STARD13: variants seen among roughly 807,000 people sequenced by gnomAD.
STARD13 encodes the protein StAR related lipid transfer domain containing 13.
A neutral mutation model predicts 106.4 loss-of-function variants in STARD13; 62 were observed. The observed-to-expected ratio is 0.58, with a 90% confidence interval of 0.48 to 0.72. STARD13 has a LOEUF of 0.72. Ranked by LOEUF, STARD13 falls within the 30% of genes least tolerant of loss-of-function variation. STARD13 has a pLI of 0.00. For synonymous variants in STARD13, 565 were observed against 553.0 expected (o/e 1.02, Z -0.31); for missense variants, 1,387 against 1,424.0 (o/e 0.97, Z 0.42).
chr13:33,197,686 C>A (rs1886731000), intron 1 of STARD13, among the ~76,000 whole-genome samples: 1 of 152,208 alleles, frequency 6.6e-6, no homozygotes, highest in African/African-American at 2.4e-5. Flanking sequence ...AACGGATCAG[C>A]AAGCCATGGT....
the STARD13 span, among the ~76,000 whole-genome samples, chr13:33,463,100 AGGGTAGGCAAGCCTCC>A: frequency 6.6e-6 from 1 of 152,232 alleles, no homozygotes; most frequent in South Asian, 2.1e-4. Flanking sequence ...GAAGTGATGC[AGGGTAGGCAAGCCTCC>A]GAATTGGTGC....
chr13:33,234,671 CCT>C (rs1889098528), intron 1 of STARD13, among the ~76,000 whole-genome samples: 2 of 152,272 alleles, frequency 1.3e-5, no homozygotes, highest in South Asian at 4.1e-4. Flanking sequence ...AACAAATCTA[CCT>C]CTCTTTGGCC....
chr13:33,343,586 A>AC (rs2138601690), intron 1 of STARD13, among the ~76,000 whole-genome samples: 1 of 95,200 alleles, frequency 1.1e-5, no homozygotes, highest in East Asian at 3.0e-4. Context: ...TTAAAAAAAA[A>AC]AAAAAAAAAA....
the STARD13 span, among the ~76,000 whole-genome samples, chr13:33,426,608 A>G: frequency 5.9e-5 from 9 of 152,324 alleles, no homozygotes; most frequent in South Asian, 1.9e-3. Context: ...GCTGAGCATT[A>G]TATACTAAAT....
chr13:33,275,448 A>G (rs9536958), intron 1 of STARD13, among the ~76,000 whole-genome samples: 1 of 152,180 alleles, frequency 6.6e-6, no homozygotes, highest in African/African-American at 2.4e-5. Flanking sequence ...TCTCTCATTT[A>G]ATCCTTGCAA....
chr13:33,587,075 G>A, the STARD13 span, among the ~76,000 whole-genome samples: 3 of 152,076 alleles, frequency 2.0e-5, no homozygotes, highest in Non-Finnish European at 2.9e-5. Context: ...AACTAGCTGG[G>A]TGTGGTGGCA....
At chr13:33,495,281 G>A in the STARD13 span, among the ~76,000 whole-genome samples, 3 of 152,136 alleles carry the variant, frequency 2.0e-5, no homozygotes, top group Non-Finnish European at 4.4e-5. Flanking sequence ...CATCACTTAA[G>A]CCAATTATCA....
chr13:33,415,568 T>G, the STARD13 span, among the ~76,000 whole-genome samples: 9 of 152,200 alleles, frequency 5.9e-5, no homozygotes, highest in African/African-American at 1.7e-4. Flanking sequence ...TGTTCTTTTT[T>G]TTGTTGTTAA....
chr13:33,210,088 G>C (rs865823619), intron 1 of STARD13, among the ~76,000 whole-genome samples: 26 of 152,160 alleles, frequency 1.7e-4, no homozygotes, highest in African/African-American at 5.6e-4. Flanking sequence ...TTCTTTGAAG[G>C]GGCAAGGTAG....
At chr13:33,622,994 G>A in the STARD13 span, among the ~76,000 whole-genome samples, 7 of 152,026 alleles carry the variant, frequency 4.6e-5, no homozygotes, top group African/African-American at 9.7e-5. Context: ...AGCTACTCAG[G>A]AGGCTGAGGC....
At chr13:33,428,073 G>A in the STARD13 span, among the ~76,000 whole-genome samples, 1 of 152,130 alleles carries the variant, frequency 6.6e-6, no homozygotes, top group Non-Finnish European at 1.5e-5. Context: ...AACATACAAT[G>A]GGGACAGATA....
chr13:33,382,657 C>T, the STARD13 span, among the ~76,000 whole-genome samples: 6 of 152,224 alleles, frequency 3.9e-5, 1 homozygote, highest in Admixed American at 2.0e-4. Flanking sequence ...AATTGTGACT[C>T]TACATATATT....
chr13:33,246,314 G>A (rs1471767442), intron 1 of STARD13, among the ~76,000 whole-genome samples: 1 of 152,164 alleles, frequency 6.6e-6, no homozygotes, highest in Admixed American at 6.5e-5. Flanking sequence ...GTCAGGGTTG[G>A]CTAGAACGTT....
the STARD13 span, among the ~76,000 whole-genome samples, chr13:33,626,921 T>A: frequency 4.3e-4 from 65 of 152,224 alleles, 1 homozygote; most frequent in South Asian, 0.013. Context: ...AGCAAAAAAA[T>A]AAAATAAAAT....
intron 10 of STARD13, among the ~76,000 whole-genome samples, chr13:33,111,127 A>G (rs949658009): frequency 3.3e-5 from 5 of 152,202 alleles, no homozygotes. Context: ...TATTCAAAAC[A>G]TTGCAATGAC....
the STARD13 span, among the ~76,000 whole-genome samples, chr13:33,406,668 C>T: frequency 1.4e-4 from 21 of 152,304 alleles, no homozygotes; most frequent in East Asian, 7.7e-4. Flanking sequence ...CAAGCCTCCT[C>T]GCACTTAGAA....
the STARD13 span, among the ~76,000 whole-genome samples, chr13:33,406,789 C>G: frequency 6.6e-6 from 1 of 152,144 alleles, no homozygotes; most frequent in African/African-American, 2.4e-5. Flanking sequence ...ATAAAGGACC[C>G]TTGTTGATAG....
chr13:33,349,479 C>T (rs1272616532), intron 1 of STARD13, among the ~76,000 whole-genome samples: 1 of 152,150 alleles, frequency 6.6e-6, no homozygotes, highest in African/African-American at 2.4e-5. Context: ...CCCACTGCAT[C>T]CTTGGCCCTA....
the STARD13 span, among the ~76,000 whole-genome samples, chr13:33,647,157 C>T: frequency 1.3e-5 from 2 of 152,138 alleles, no homozygotes; most frequent in African/African-American, 4.8e-5. Context: ...TAAAAGGGCC[C>T]TGCCTGTAGC....
Sources: allele counts gnomAD v4.1 joint callset (sites outside exome capture counted in the v4.1 genomes callset), GRCh38; gene constraint gnomAD v4.1.1; transcripts MANE v1.5; gene names NCBI Gene and HGNC (gene_info 2026-07-23, HGNC 2026-07-21).